Variants in DNAH14 observed in about 807,000 individuals in gnomAD.
DNAH14 encodes axonemal beta dynein heavy chain 14.
In DNAH14, 478 loss-of-function variants were observed where a neutral mutation model predicts 520.9. That is an observed-to-expected ratio of 0.92 (90% confidence interval 0.85 to 0.99). The LOEUF is 0.99. Among genes scored for constraint, DNAH14 ranks in the 50% least tolerant of loss-of-function variants. DNAH14 has a pLI of 0.00. For synonymous variants in DNAH14, 1,581 were observed against 1,757.2 expected, an observed-to-expected ratio of 0.90 and a Z score of 2.51; for missense variants, 4,831 against 5,234.5, an observed-to-expected ratio of 0.92 and a Z score of 2.38.
chr1:225,329,420 G>C (rs1055183584), intron 64 of DNAH14, among the ~76,000 whole-genome samples: 7 of 152,094 alleles, frequency 4.6e-5, no homozygotes, highest in African/African-American at 1.4e-4. Flanking sequence ...GGAAGGTTGG[G>C]GTCAGGTTGT....
At chr1:225,329,130 T>A (rs1558402158) in intron 64 of DNAH14, among the ~76,000 whole-genome samples, 2 of 152,256 alleles carry the variant, frequency 1.3e-5, no homozygotes, top group East Asian at 1.9e-4. Context: ...ATCCAAGAGA[T>A]GATATCAGGA....
In DNAH14 at chr1:225,180,049, C is replaced by T. The variant is rs537081069; in HGVS notation, c.5536-5242C>T. Among the ~76,000 whole-genome samples the T allele has an allele frequency of 3.9e-5, 6 of 152,180 alleles. No individual in the cohort carries two copies. In the South Asian group the frequency reaches 1.2e-3, roughly 32 times the overall value. Reference sequence around the variant, plus strand: ...TTCTGCTTTTAGGATCCTCTCCTGTCCTTGATCTTTCAGAGTTTATTATAT... The same window carrying T: ...TTCTGCTTTTAGGATCCTCTCCTGTTCTTGATCTTTCAGAGTTTATTATAT... On this transcript the variant is annotated intron_variant, in intron 36 of 85. Transcript: ENST00000682510.
chr1:225,376,064 G>A (rs1395471876), intron 78 of DNAH14, among the ~76,000 whole-genome samples: 1 of 151,938 alleles, frequency 6.6e-6, no homozygotes, highest in East Asian at 1.9e-4. Flanking sequence ...TTCCATCCTG[G>A]GCATCAGAGC....
At chr1:225,349,389 A>G (rs948180074) in intron 71 of DNAH14, among the ~76,000 whole-genome samples, 14 of 152,224 alleles carry the variant, frequency 9.2e-5, no homozygotes, top group African/African-American at 3.4e-4. Context: ...ATAAAAGAGG[A>G]CAGGAAGGGA....
chr1:225,281,753 G>C (rs540100478), intron 54 of DNAH14, among the ~76,000 whole-genome samples: 2 of 152,082 alleles, frequency 1.3e-5, no homozygotes, highest in Admixed American at 1.3e-4. Context: ...GAAGAAAACT[G>C]TCTATATTTT....
rs191960426 is a variant in DNAH14 at position 225,017,541 on chromosome 1, G to T, written c.1108-6074G>T. ...CCCTACCAGAGTACTTCCCACCTGG[G>T]GTGCTCATGCTTCCCCCATTGGAAC... On this transcript the variant is annotated intron_variant, in intron 10 of 85. Transcript: ENST00000682510. Among the ~76,000 whole-genome samples, 39 of 152,176 alleles carry T rather than the reference G, an allele frequency of 2.6e-4. 1 individual carries two copies. Among genetic ancestry groups the T allele is most frequent in the East Asian group, 2.5e-3 (13 of 5,160 alleles).
At chr1:225,226,846 G>C (rs2090584293) in intron 41 of DNAH14, among the ~76,000 whole-genome samples, 1 of 152,028 alleles carries the variant, frequency 6.6e-6, no homozygotes, top group Non-Finnish European at 1.5e-5. Flanking sequence ...GTGGGGAGAG[G>C]GTTAGCAGGA....
chr1:225,086,990 CCACACACA>C (rs57900981), intron 21 of DNAH14, among the ~76,000 whole-genome samples: 65,390 of 146,618 alleles, frequency 0.45, 15,065 homozygotes, highest in Middle Eastern at 0.54. Context: ...GAAAAGAACA[CCACACACA>C]CACACACACA....
chr1:225,007,797 T>G (rs1374746767), intron 10 of DNAH14, among the ~76,000 whole-genome samples: 3 of 151,942 alleles, frequency 2.0e-5, no homozygotes, highest in Admixed American at 6.6e-5. Flanking sequence ...ACTTATGAAA[T>G]TTAATATATT....
At chr1:225,333,623 A>G (rs1013835155) in intron 66 of DNAH14, 117 bp downstream of exon 66, 2 of 954,830 alleles carry the variant, frequency 2.1e-6, no homozygotes, top group African/African-American at 3.3e-5. Flanking sequence ...AAATGAAAAT[A>G]TTTTGTTAAT....
intron 27 of DNAH14, among the ~76,000 whole-genome samples, chr1:225,131,368 GTTTC>G (rs1395256471): frequency 1.3e-5 from 2 of 152,108 alleles, no homozygotes; most frequent in African/African-American, 2.4e-5. Flanking sequence ...GGGAAAATCT[GTTTC>G]TTTGCCTTTT....
At chr1:224,985,964 A>G (rs1307184450) in intron 8 of DNAH14, among the ~76,000 whole-genome samples, 6 of 152,106 alleles carry the variant, frequency 3.9e-5, no homozygotes, top group African/African-American at 1.4e-4. Context: ...GAAGTTAAAA[A>G]AGAGCTGGGG....
chr1:225,185,312 G>T lies in DNAH14; in HGVS notation c.5557G>T (p.Val1853Leu), dbSNP rs2084556852. 3 of 1,544,868 alleles carry T rather than the reference G, an allele frequency of 1.9e-6. No individual in the cohort carries two copies. Among genetic ancestry groups the T allele is most frequent in the Non-Finnish European group, 2.6e-6 (3 of 1,144,720 alleles). Residue 1853 changes from valine to leucine, a missense_variant, in exon 37 of 86, where the codon GTG becomes TTG. Transcript: ENST00000682510. ...TTAGGTTTGTGTTGGTGTGATGTTA[G>T]TGGGCCCAACAGGTGGAGGAAAGAC... ...QLQVCVGVMLVGPTGGGKTTV... is the reference protein window; with the variant it reads ...QLQVCVGVMLLGPTGGGKTTV...
chr1:225,308,997 A>G (rs1503824), intron 60 of DNAH14, among the ~76,000 whole-genome samples: 76,699 of 152,090 alleles, frequency 0.5, 20,932 homozygotes, highest in African/African-American at 0.71. Context: ...ACATATGTAA[A>G]CCTATACTCT....
At chr1:225,354,386 A>T in intron 73 of DNAH14, 1 of 636,926 alleles carries the variant, frequency 1.6e-6, no homozygotes, top group South Asian at 1.7e-5. Flanking sequence ...TTTGCCCAGC[A>T]CCTCTATTTC....
At position 225,304,989 on chromosome 1, in the gene DNAH14, A is replaced by G; in HGVS notation, c.8905A>G (p.Thr2969Ala). 2.6e-6 allele frequency: 4 copies of G among 1,547,210 alleles called. No individual in the cohort carries two copies. Among genetic ancestry groups the G allele is most frequent in the Non-Finnish European group, 3.5e-6 (4 of 1,146,052 alleles). Residue 2969 changes from threonine to alanine, a missense_variant, in exon 58 of 86, where the codon ACT (threonine) becomes GCT (alanine). Physicochemically the swap from Thr to Ala is moderately conservative, Grantham distance 58 (BLOSUM62 0). Transcript: ENST00000682510. ...CTTGAACAGAAAATACTTTGAAGAA[A>G]CTGGAAGATTTTATTATACCACTCC... Reference protein sequence around the residue: ...KDLNRKYFEETGRFYYTTPNS... With the variant: ...KDLNRKYFEEAGRFYYTTPNS...
chr1:225,342,848 C>T (rs1046437717), intron 69 of DNAH14, among the ~76,000 whole-genome samples: 1 of 151,922 alleles, frequency 6.6e-6, no homozygotes, highest in Non-Finnish European at 1.5e-5. Context: ...GTCCCACCCC[C>T]ACCCCTCACA....
At chr1:225,127,136 T>C (rs2077809722) in intron 27 of DNAH14, among the ~76,000 whole-genome samples, 1 of 152,204 alleles carries the variant, frequency 6.6e-6, no homozygotes, top group Non-Finnish European at 1.5e-5. Context: ...AACTATGTGG[T>C]CAATTTTGGA....
intron 8 of DNAH14, 132 bp downstream of exon 8, chr1:224,974,285 T>C (rs184878633): frequency 4.1e-6 from 2 of 485,826 alleles, no homozygotes; most frequent in Admixed American, 4.4e-5. Flanking sequence ...ACGATTAAAC[T>C]TAACCCATTT....
Sources: allele counts gnomAD v4.1 joint callset (sites outside exome capture counted in the v4.1 genomes callset), GRCh38; gene constraint gnomAD v4.1.1; transcripts MANE v1.5; gene names NCBI Gene and HGNC (gene_info 2026-07-23, HGNC 2026-07-21).